The following BACE2 variants were observed in gnomAD, a reference collection of about 807,000 sequenced individuals.
BACE2 encodes beta-secretase 2.
In BACE2, 17 loss-of-function variants were observed where a neutral mutation model predicts 46.2. That is an observed-to-expected ratio of 0.37 (90% confidence interval 0.25 to 0.55). The LOEUF is 0.55. BACE2 is among the 20% of genes least tolerant of loss of function. BACE2 has a pLI of 0.82. For missense variants in BACE2, 595 were observed against 698.1 expected, an observed-to-expected ratio of 0.85 and a Z score of 1.66; for synonymous variants, 277 against 295.9, an observed-to-expected ratio of 0.94 and a Z score of 0.66.
intron 1 of BACE2, among the ~76,000 whole-genome samples, chr21:41,200,545 C>T (rs757068966): frequency 2.1e-4 from 32 of 152,138 alleles, no homozygotes; most frequent in Non-Finnish European, 2.6e-4. Context: ...TGTGCTAGCC[C>T]GGCCCCCTGT....
chr21:41,275,846 C>T lies in BACE2; in HGVS notation c.*222C>T. 9 of 615,096 alleles carry T rather than the reference C, an allele frequency of 1.5e-5. No individual in the cohort carries two copies. Among genetic ancestry groups the T allele is most frequent in the Non-Finnish European group, 2.5e-5 (9 of 365,858 alleles). The allele number at this position is 615,096 out of a possible 1,614,324, so 38.1% of individuals were successfully genotyped here. ...AGAAAAATAATTAAAAAAAAAACTT[C>T]ATTCTAAACCAAAACAGAGTGGATT... On this transcript the variant is annotated 3_prime_UTR_variant, in exon 9 of 9. Transcript: ENST00000330333.
intron 1 of BACE2, among the ~76,000 whole-genome samples, chr21:41,209,608 G>T (rs989997396): frequency 7.2e-5 from 11 of 152,154 alleles, no homozygotes; most frequent in African/African-American, 2.7e-4. Context: ...TTTTATAGAG[G>T]CAGGACAAGG....
At chr21:41,238,661 G>A (rs1987199050) in intron 3 of BACE2, among the ~76,000 whole-genome samples, 1 of 151,942 alleles carries the variant, frequency 6.6e-6, no homozygotes, top group South Asian at 2.1e-4. Flanking sequence ...TAGGGACATG[G>A]ATGAAATTGG....
chr21:41,248,490 A>G (rs996083277), intron 6 of BACE2, among the ~76,000 whole-genome samples: 7 of 152,284 alleles, frequency 4.6e-5, no homozygotes, highest in South Asian at 4.1e-4. Context: ...AGACCTGGCC[A>G]CCGAAACTCT....
chr21:41,170,577 T>C (rs1984571519), intron 1 of BACE2, among the ~76,000 whole-genome samples: 1 of 152,214 alleles, frequency 6.6e-6, no homozygotes, highest in South Asian at 2.1e-4. Flanking sequence ...TACCTGCCTG[T>C]GTTGCCCTGA....
In BACE2 at chr21:41,173,733, G is replaced by A. The variant is rs533330809; in HGVS notation, c.312+5158G>A. 5.1e-4 allele frequency among the ~76,000 whole-genome samples: 78 copies of A among 152,224 alleles called. 1 individual carries two copies. The highest frequency in any genetic ancestry group is 3.4e-3 in the Middle Eastern group (1 of 294). ...TGCACTCCAGCCTGGGCAACAGAACGAGACTCTGTCTCGAAAAAAAGAATT... is the reference window on the plus strand; with the variant it reads ...TGCACTCCAGCCTGGGCAACAGAACAAGACTCTGTCTCGAAAAAAAGAATT... On this transcript the variant is annotated intron_variant, in intron 1 of 8. Transcript: ENST00000330333.
At chr21:41,192,221 C>A (rs1353952234) in intron 1 of BACE2, among the ~76,000 whole-genome samples, 1 of 152,216 alleles carries the variant, frequency 6.6e-6, no homozygotes, top group Non-Finnish European at 1.5e-5. Context: ...TCCTAGTCTT[C>A]TCTTCCTCTG....
In BACE2 at chr21:41,241,870, A is replaced by G; in HGVS notation, c.670A>G (p.Ile224Val). 1 of 1,614,036 alleles carries G rather than the reference A, an allele frequency of 6.2e-7. No homozygotes were observed. Among genetic ancestry groups the G allele is most frequent in the Non-Finnish European group, 8.5e-7 (1 of 1,179,982 alleles). Residue 224 changes from isoleucine to valine, a missense_variant, in exon 4 of 9, where the codon ATC becomes GTC. Physicochemically the swap from Ile to Val is conservative, Grantham distance 29 (BLOSUM62 3). Transcript: ENST00000330333. Reference sequence around the variant, plus strand: ...CGACTCCCTGGTGACACAAGCAAACATCCCCAACGTTTTCTCCATGCAGAT... The same window carrying G: ...CGACTCCCTGGTGACACAAGCAAACGTCCCCAACGTTTTCTCCATGCAGAT... Reference protein sequence around the residue: ...FFDSLVTQANIPNVFSMQMCG... With the variant: ...FFDSLVTQANVPNVFSMQMCG...
At chr21:41,253,060 A>C (rs947546652) in intron 7 of BACE2, among the ~76,000 whole-genome samples, 1 of 152,238 alleles carries the variant, frequency 6.6e-6, no homozygotes, top group Non-Finnish European at 1.5e-5. Flanking sequence ...AGACATTTTC[A>C]GAAGAATGCA....
chr21:41,189,140 A>G lies in BACE2; in HGVS notation c.312+20565A>G, dbSNP rs144791426. ...CTTTCCCTCCAGAAACATGTGAAGT[A>G]TTCTTGACCTGGTATTTGGAAATTT... On this transcript the variant is annotated intron_variant, in intron 1 of 8. Transcript: ENST00000330333. Among the ~76,000 whole-genome samples, 1,226 of 151,648 alleles carry G rather than the reference A, an allele frequency of 8.1e-3. 45 individuals are homozygous for G. The highest frequency in any genetic ancestry group is 0.06 in the Admixed American group (920 of 15,240).
intron 5 of BACE2, among the ~76,000 whole-genome samples, chr21:41,244,455 CAG>C (rs202144934): frequency 0.014 from 2,074 of 152,150 alleles, 46 homozygotes; most frequent in African/African-American, 0.045. Flanking sequence ...TCTGGCTGGC[CAG>C]GGTGGGGGTC....
At chr21:41,185,385 C>T (rs1352812437) in intron 1 of BACE2, 1 of 152,134 alleles carries the variant, frequency 6.6e-6, no homozygotes, top group Non-Finnish European at 1.5e-5. Flanking sequence ...AGAACCTACC[C>T]AGTAGTGGAG....
intron 1 of BACE2, among the ~76,000 whole-genome samples, chr21:41,216,758 C>T (rs575335121): frequency 6.6e-6 from 1 of 152,196 alleles, no homozygotes; most frequent in Non-Finnish European, 1.5e-5. Context: ...GTTACGCAGT[C>T]GCAGTCAGCG....
intron 3 of BACE2, among the ~76,000 whole-genome samples, chr21:41,241,343 C>G (rs1034346504): frequency 1.3e-5 from 2 of 152,258 alleles, no homozygotes; most frequent in South Asian, 4.2e-4. Context: ...CTCTGGGGTC[C>G]GGGGGATACT....
At chr21:41,227,418 A>G (rs1474549654) in intron 2 of BACE2, among the ~76,000 whole-genome samples, 6 of 152,208 alleles carry the variant, frequency 3.9e-5, no homozygotes, top group Non-Finnish European at 7.3e-5. Context: ...GTTGGGGACA[A>G]AAGGAGGGGG....
intron 2 of BACE2, among the ~76,000 whole-genome samples, chr21:41,229,156 C>T (rs1456296325): frequency 6.6e-6 from 1 of 152,186 alleles, no homozygotes; most frequent in Non-Finnish European, 1.5e-5. Context: ...CTGAATAGTC[C>T]CTGATAGTCC....
At chr21:41,194,747 T>G (rs1985682379) in intron 1 of BACE2, among the ~76,000 whole-genome samples, 1 of 152,206 alleles carries the variant, frequency 6.6e-6, no homozygotes, top group Admixed American at 6.5e-5. Flanking sequence ...TCTGTTTACT[T>G]GTAGCCAAAA....
At chr21:41,257,401 C>A (rs1987821253) in intron 8 of BACE2, 75 bp downstream of exon 8, 4 of 1,497,654 alleles carry the variant, frequency 2.7e-6, no homozygotes, top group Non-Finnish European at 3.6e-6. Context: ...GGAAGCAATT[C>A]TTGATGGCAA....
chr21:41,255,227 G>A (rs982308578), intron 7 of BACE2, among the ~76,000 whole-genome samples: 1 of 152,230 alleles, frequency 6.6e-6, no homozygotes, highest in African/African-American at 2.4e-5. Flanking sequence ...TGGGCAGGCA[G>A]GCGGACACAA....
Sources: gnomAD v4.1 joint callset for allele counts (sites outside exome capture counted in the v4.1 genomes callset) on GRCh38, gnomAD v4.1.1 for gene constraint, MANE v1.5 for transcripts, NCBI Gene and HGNC (gene_info 2026-07-23, HGNC 2026-07-21) for gene names.